SYT1: variants seen among roughly 807,000 people sequenced by gnomAD.
The protein encoded by SYT1 is synaptotagmin 1, also known as synaptotagmin-1.
Under a neutral mutation model 44.8 loss-of-function variants are expected in SYT1, and 8 were observed. The observed-to-expected ratio is 0.18, with a 90% CI of 0.10 to 0.32. The LOEUF (loss-of-function observed/expected upper bound fraction) is 0.32. Among genes scored for constraint, SYT1 ranks in the 10% least tolerant of loss-of-function variants. The probability of loss-of-function intolerance (pLI) is 1.00; values close to 1 mark genes in which losing one functional copy is unlikely to be tolerated. For synonymous variants in SYT1, 154 were observed against 188.8 expected (o/e 0.82, Z 1.51); for missense variants, 286 against 509.3 (o/e 0.56, Z 4.22).
intron 3 of SYT1, among the ~76,000 whole-genome samples, chr12:79,177,058 T>TTA (rs397816816): frequency 4.8e-4 from 72 of 148,992 alleles, no homozygotes; most frequent in Admixed American, 4.6e-3. Flanking sequence ...TGTTTTTTTT[T>TTA]ATTATACTCT....
At chr12:79,035,466 T>C (rs925464243) in intron 2 of SYT1, among the ~76,000 whole-genome samples, 2 of 151,766 alleles carry the variant, frequency 1.3e-5, no homozygotes, top group Non-Finnish European at 2.9e-5. Flanking sequence ...ATTATGTATC[T>C]GTTTTATCTC....
chr12:79,187,130 G>T (rs1353906486), intron 3 of SYT1, among the ~76,000 whole-genome samples: 2 of 151,828 alleles, frequency 1.3e-5, no homozygotes, highest in Non-Finnish European at 2.9e-5. Flanking sequence ...ACAGCACAAG[G>T]TATCTCAAAC....
intron 9 of SYT1, among the ~76,000 whole-genome samples, chr12:79,408,225 C>T (rs754899922): frequency 6.0e-4 from 91 of 152,102 alleles, no homozygotes; most frequent in Non-Finnish European, 1.2e-3. Context: ...AGTTTTGCCT[C>T]ACCAAAGCCA....
chr12:78,904,103 C>T (rs1003610592), intron 1 of SYT1, among the ~76,000 whole-genome samples: 4 of 151,968 alleles, frequency 2.6e-5, no homozygotes, highest in Non-Finnish European at 4.4e-5. Context: ...AAAATTTAGT[C>T]ATAAACCAAA....
At position 79,233,464 on chromosome 12, in the gene SYT1, G is replaced by A. The variant is rs551817127; in HGVS notation, c.166+15779G>A. On this transcript the variant is annotated intron_variant, in intron 4 of 10. Coordinates refer to ENST00000261205, the MANE Select transcript of SYT1 (RefSeq NM_005639.3). ...ATACGAAACTTGTGTAGGTTTCTGT[G>A]TTTCACCCTATCAGGCACACAAAGC... Among the ~76,000 whole-genome samples the A allele has an allele frequency of 2.0e-5, 3 of 152,296 alleles. No individual in the cohort carries two copies. The South Asian group carries it at 6.2e-4, about 32-fold the overall frequency.
chr12:79,247,553 C>T (rs781265916), intron 4 of SYT1, among the ~76,000 whole-genome samples: 59 of 152,136 alleles, frequency 3.9e-4, no homozygotes, highest in Non-Finnish European at 6.5e-4. Context: ...TAGCATCCCA[C>T]CTGCAATTGA....
intron 3 of SYT1, among the ~76,000 whole-genome samples, chr12:79,208,871 G>A (rs1027919727): frequency 6.6e-6 from 1 of 151,934 alleles, no homozygotes; most frequent in African/African-American, 2.4e-5. Context: ...AGCACTATGA[G>A]AAATACTTCC....
intron 3 of SYT1, among the ~76,000 whole-genome samples, chr12:79,192,169 G>T (rs1873170551): frequency 6.6e-6 from 1 of 152,142 alleles, no homozygotes; most frequent in South Asian, 2.1e-4. Flanking sequence ...GAAATACCTA[G>T]CAAGGACTAG....
chr12:79,134,648 C>G (rs541232247), intron 3 of SYT1, among the ~76,000 whole-genome samples: 10 of 152,096 alleles, frequency 6.6e-5, no homozygotes, highest in South Asian at 4.2e-4. Context: ...TTAAGTCTAC[C>G]TACATTTAAA....
intron 3 of SYT1, among the ~76,000 whole-genome samples, chr12:79,215,918 CTTTTTTTTTTTT>C (rs71091653): frequency 1.3e-4 from 10 of 76,726 alleles, no homozygotes; most frequent in Non-Finnish European, 1.8e-4. Context: ...GCATTTCTTT[CTTTTTTTTTTTT>C]TTTTTTTTTT....
chr12:79,215,914 C>CT (rs1874761346), intron 3 of SYT1, among the ~76,000 whole-genome samples: 1 of 67,562 alleles, frequency 1.5e-5, no homozygotes, highest in Non-Finnish European at 3.0e-5. Context: ...GTTTGCATTT[C>CT]TTTCTTTTTT....
intron 2 of SYT1, among the ~76,000 whole-genome samples, chr12:79,042,519 T>C: frequency 6.9e-6 from 1 of 145,590 alleles, no homozygotes; most frequent in African/African-American, 2.5e-5. Context: ...TCTCTCTTTT[T>C]TTCTTTATTA....
At chr12:78,898,473 C>T (rs1875483785) in intron 1 of SYT1, among the ~76,000 whole-genome samples, 1 of 152,046 alleles carries the variant, frequency 6.6e-6, no homozygotes, top group Admixed American at 6.6e-5. Flanking sequence ...ATTTTCAAAA[C>T]TTCCTTAGCC....
chr12:79,213,689 C>T (rs1874603663), intron 3 of SYT1, among the ~76,000 whole-genome samples: 1 of 152,116 alleles, frequency 6.6e-6, no homozygotes, highest in Non-Finnish European at 1.5e-5. Flanking sequence ...CTTTGGGAGG[C>T]CGAAGCGGGC....
Position 79,182,428 on chromosome 12 carries a change from T to C in SYT1, c.-17-35075T>C, listed in dbSNP as rs143161977. Among the ~76,000 whole-genome samples, 936 of 152,138 alleles carry C rather than the reference T, an allele frequency of 6.2e-3. 4 individuals carry two copies. The highest frequency in any genetic ancestry group is 9.5e-3 in the Non-Finnish European group (649 of 67,984). ...CATTTCCTGAAACATCTTCATAAAGTCTACTTGAGTAATTGACCAGATGAA... is the reference window on the plus strand; with the variant it reads ...CATTTCCTGAAACATCTTCATAAAGCCTACTTGAGTAATTGACCAGATGAA... On this transcript the variant is annotated intron_variant, in intron 3 of 10. Coordinates refer to ENST00000261205, the MANE Select transcript of SYT1 (RefSeq NM_005639.3).
In SYT1 at chr12:79,023,001, T is replaced by G. The variant is rs373378683; in HGVS notation, c.-83-24296T>G. Among the ~76,000 whole-genome samples the G allele has an allele frequency of 4.0e-5, 6 of 151,850 alleles. No individual in the cohort carries two copies. The East Asian group carries it at 1.2e-3, about 29-fold the overall frequency. On this transcript the variant is annotated intron_variant, in intron 2 of 10. Transcript: ENST00000261205. ...ACTTATCCTAGAAATAAATCAGTAA[T>G]TATTGTTCTTTGCTTGGAGGTCATG...
chr12:79,431,551 T>G (rs1363690551), intron 9 of SYT1, among the ~76,000 whole-genome samples: 1 of 150,544 alleles, frequency 6.6e-6, no homozygotes, highest in Non-Finnish European at 1.5e-5. Context: ...TTTATTTATT[T>G]ATTGAGATGG....
At chr12:79,202,209 C>G (rs922564753) in intron 3 of SYT1, among the ~76,000 whole-genome samples, 9 of 152,154 alleles carry the variant, frequency 5.9e-5, no homozygotes, top group African/African-American at 1.9e-4. Flanking sequence ...TTAAGCCACT[C>G]AGATGGCAAT....
intron 9 of SYT1, among the ~76,000 whole-genome samples, chr12:79,377,117 G>A (rs1025085925): frequency 1.3e-5 from 2 of 151,666 alleles, no homozygotes. Flanking sequence ...TTTTTGTTTT[G>A]TTTTGTTTTT....
Sources: allele counts gnomAD v4.1 joint callset (sites outside exome capture counted in the v4.1 genomes callset), GRCh38; gene constraint gnomAD v4.1.1; transcripts MANE v1.5; gene names NCBI Gene and HGNC (gene_info 2026-07-23, HGNC 2026-07-21).